Variants in CYTH4 observed in about 807,000 individuals in gnomAD.
CYTH4 encodes the protein cytohesin-4.
A neutral mutation model predicts 57.5 loss-of-function variants in CYTH4; 22 were observed. That is an observed-to-expected ratio of 0.38 (90% CI 0.27 to 0.55). The LOEUF is 0.55. Among genes scored for constraint, CYTH4 ranks in the 20% least tolerant of loss-of-function variants. The pLI, the probability that CYTH4 is intolerant of heterozygous loss-of-function variation, is 0.74. For missense variants in CYTH4, 420 were observed against 535.6 expected, an observed-to-expected ratio of 0.78 and a Z score of 2.13; for synonymous variants, 186 against 206.5, an observed-to-expected ratio of 0.90 and a Z score of 0.85.
chr22:37,307,330 G>T (rs749589046), intron 8 of CYTH4, among the ~76,000 whole-genome samples: 3 of 152,172 alleles, frequency 2.0e-5, no homozygotes, highest in Non-Finnish European at 2.9e-5. Context: ...ACCCCCGTCT[G>T]CCCCCCTGCA....
At chr22:37,308,808 G>T (rs1038513188) in intron 8 of CYTH4, among the ~76,000 whole-genome samples, 5 of 151,934 alleles carry the variant, frequency 3.3e-5, no homozygotes, top group African/African-American at 1.2e-4. Flanking sequence ...GCATGTGTGT[G>T]CATGTATGTG....
At position 37,311,325 on chromosome 22, in the gene CYTH4, C is replaced by T. The variant is rs536654023; in HGVS notation, c.886-131C>T. ...ACATGCTGCTTCTAACTTCCGTCCC[C>T]CTATGACTGGACAGTCTCGGAAGAT... is the stretch of plus-strand genomic sequence containing the variant. On this transcript the variant is annotated intron_variant, in intron 10 of 12. Transcript: ENST00000248901. The surrounding 1 kb of genome is among the most constrained non-coding windows in gnomAD (Gnocchi z 4.4). 3.5e-6 allele frequency: 3 copies of T among 853,532 alleles called. No homozygotes were observed. Among genetic ancestry groups the T allele is most frequent in the Non-Finnish European group, 3.8e-6 (2 of 526,456 alleles). 52.9% of individuals were successfully genotyped at this position (853,532 alleles called of 1,614,324 possible).
At chr22:37,296,237 C>G (rs1928963617) in intron 4 of CYTH4, 172 bp downstream of exon 4, 2 of 681,988 alleles carry the variant, frequency 2.9e-6, no homozygotes, top group Admixed American at 5.9e-5. Flanking sequence ...GGCTGGGCGC[C>G]CTGTCTACTC....
intron 7 of CYTH4, chr22:37,302,101 G>A (rs200120110): frequency 5.3e-5 from 9 of 169,026 alleles, no homozygotes; most frequent in African/African-American, 9.6e-5. Context: ...ACTTGTCTGC[G>A]AGCACGCCGC....
chr22:37,310,289 G>A (rs1601711867), intron 9 of CYTH4, among the ~76,000 whole-genome samples: 1 of 152,046 alleles, frequency 6.6e-6, no homozygotes, highest in East Asian at 1.9e-4. Flanking sequence ...TCAGATGGGA[G>A]AGGGAGCCTC....
Position 37,311,542 on chromosome 22 carries a change from T to G in CYTH4, c.957+15T>G, listed in dbSNP as rs771671548. Reference sequence around the variant, plus strand: ...CCAAGAAGCCAGTAGGTGTTCAGGTTGCAGGATCCCGAGGCTGGAGCCACT... The same window carrying G: ...CCAAGAAGCCAGTAGGTGTTCAGGTGGCAGGATCCCGAGGCTGGAGCCACT... On this transcript the variant is annotated intron_variant, in intron 11 of 12. Coordinates refer to ENST00000248901, the MANE Select transcript of CYTH4 (RefSeq NM_013385.5). This position sits in a 1 kb window ranked among gnomAD's most constrained non-coding sequence, Gnocchi z 4.4. The G allele has an allele frequency of 3.0e-5, 48 of 1,613,212 alleles. No homozygotes were observed. The highest frequency in any genetic ancestry group is 3.3e-5 in the Admixed American group (2 of 59,992).
At position 37,311,909 on chromosome 22, in the gene CYTH4, G is replaced by A. The variant is rs371390771; in HGVS notation, c.958-111G>A. 52 of 1,386,142 alleles carry A rather than the reference G, an allele frequency of 3.8e-5. No individual in the cohort carries two copies. The highest frequency in any genetic ancestry group is 4.3e-5 in the African/African-American group (3 of 69,324). The allele number at this position is 1,386,142 out of a possible 1,614,324, so 85.9% of individuals were successfully genotyped here. On this transcript the variant is annotated intron_variant, in intron 11 of 12. Transcript: ENST00000248901. This position sits in a 1 kb window ranked among gnomAD's most constrained non-coding sequence, Gnocchi z 4.4. Reference sequence around the variant, plus strand: ...AGCAGCTCCTGCCCCTTCGCCTGTCGTAGGGCTGTCACGCTGATCAGGGAC... The same window carrying A: ...AGCAGCTCCTGCCCCTTCGCCTGTCATAGGGCTGTCACGCTGATCAGGGAC...
At position 37,312,051 on chromosome 22, in the gene CYTH4, G is replaced by C. The variant is rs1929662933; in HGVS notation, c.989G>C (p.Arg330Pro). ...FCLELYNPSCRGQKIKACKTD... is the reference protein window; with the variant it reads ...FCLELYNPSCPGQKIKACKTD... ...CTGGAGCTCTACAACCCTAGCTGCC[G>C]AGGCCAGAAAATCAAGGCCTGCAAG... Residue 330 changes from arginine to proline, a missense_variant, in exon 12 of 13, where the codon CGA (arginine) becomes CCA (proline). Transcript: ENST00000248901. 1 of 1,614,004 alleles carries C rather than the reference G, an allele frequency of 6.2e-7. No homozygotes were observed. The highest frequency in any genetic ancestry group is 1.3e-5 in the African/African-American group (1 of 74,902).
At position 37,294,459 on chromosome 22, in the gene CYTH4, C is replaced by A. The variant is rs62235135; in HGVS notation, c.103-201C>A. ...CAGACAGAGGTGATAGTTTAGCATG[C>A]GACTTAGAAATTATGAGACATCCAG... On this transcript the variant is annotated intron_variant, in intron 2 of 12. Transcript: ENST00000248901. 7.6e-3 allele frequency among the ~76,000 whole-genome samples: 1,162 copies of A among 151,970 alleles called. 14 individuals are homozygous for A. Among genetic ancestry groups the A allele is most frequent in the East Asian group, 0.039 (203 of 5,148 alleles).
chr22:37,300,566 G>T (rs1328478711), intron 6 of CYTH4, among the ~76,000 whole-genome samples: 1 of 152,322 alleles, frequency 6.6e-6, no homozygotes, highest in Middle Eastern at 3.4e-3. Flanking sequence ...AGATCTCAGG[G>T]CCCAAAGGCC....
At position 37,315,227 on chromosome 22, in the gene CYTH4, C is replaced by T. The variant is rs182370486; in HGVS notation, c.*1716C>T. 4 of 152,190 alleles carry T rather than the reference C, an allele frequency of 2.6e-5. No homozygotes were observed. The highest frequency in any genetic ancestry group is 5.9e-5 in the Non-Finnish European group (4 of 68,106). 9.4% of individuals were successfully genotyped at this position (152,190 alleles called of 1,614,324 possible). On this transcript the variant is annotated 3_prime_UTR_variant, in exon 13 of 13. Transcript: ENST00000248901. Reference sequence around the variant, plus strand: ...GGCTACTCCCTTAGTCTACTCCCTTCCCCTCTCTGGTCCTCAGCTTCCTCC... The same window carrying T: ...GGCTACTCCCTTAGTCTACTCCCTTTCCCTCTCTGGTCCTCAGCTTCCTCC...
intron 6 of CYTH4, 45 bp from the exon 7 acceptor site, chr22:37,300,862 G>A (rs758564168): frequency 7.7e-6 from 12 of 1,551,668 alleles, no homozygotes; most frequent in African/African-American, 6.8e-5. Context: ...TGGGGCCCGC[G>A]AGGGCCCACC....
intron 8 of CYTH4, among the ~76,000 whole-genome samples, chr22:37,308,801 T>C (rs1351034553): frequency 2.6e-5 from 4 of 152,010 alleles, no homozygotes; most frequent in Admixed American, 6.5e-5. Context: ...TGAACATGCA[T>C]GTGTGTGCAT....
Position 37,311,094 on chromosome 22 carries a change from G to C in CYTH4, c.885+30G>C, listed in dbSNP as rs374729035. Reference sequence around the variant, plus strand: ...GCAGGGTTCTCCTGGGCCTTCCCCTGCCCCCGCCTCTCCCCGCACAACCCA... The same window carrying C: ...GCAGGGTTCTCCTGGGCCTTCCCCTCCCCCCGCCTCTCCCCGCACAACCCA... On this transcript the variant is annotated intron_variant, in intron 10 of 12. Transcript: ENST00000248901. The surrounding 1 kb of genome is among the most constrained non-coding windows in gnomAD (Gnocchi z 4.4). 4 of 1,609,262 alleles carry C rather than the reference G, an allele frequency of 2.5e-6. No homozygotes were observed. The highest frequency in any genetic ancestry group is 3.3e-5 in the Admixed American group (2 of 59,940).
At chr22:37,310,850 G>A (rs1929610794) in intron 9 of CYTH4, 138 bp from the exon 10 acceptor site, 2 of 763,296 alleles carry the variant, frequency 2.6e-6, no homozygotes, top group South Asian at 1.6e-5. Context: ...TAGATGTTGG[G>A]GGGAGGTGTG....
intron 12 of CYTH4, 75 bp from the exon 13 acceptor site, chr22:37,313,364 T>G (rs1929719841): frequency 2.9e-5 from 42 of 1,451,294 alleles, no homozygotes; most frequent in Non-Finnish European, 4.0e-5. Flanking sequence ...CCCATGCCCC[T>G]GATACAAGCC....
intron 8 of CYTH4, among the ~76,000 whole-genome samples, chr22:37,308,739 C>A (rs1004016555): frequency 9.9e-5 from 14 of 140,752 alleles, no homozygotes; most frequent in African/African-American, 3.7e-4. Context: ...TATGAGTATG[C>A]ATGCATGTGT....
intron 1 of CYTH4, among the ~76,000 whole-genome samples, chr22:37,287,352 C>A (rs4239886): frequency 0.28 from 42,932 of 151,974 alleles, 7,310 homozygotes; most frequent in Admixed American, 0.43. Context: ...ATGCTGGAGC[C>A]CACCCTGGCT....
chr22:37,310,939 A>C, intron 9 of CYTH4, 49 bp from the exon 10 acceptor site: 2 of 1,599,594 alleles, frequency 1.3e-6, no homozygotes, highest in Non-Finnish European at 1.7e-6. Flanking sequence ...AGGAGGTGTC[A>C]GTGGCCCAGG....
Sources: allele counts gnomAD v4.1 joint callset (sites outside exome capture counted in the v4.1 genomes callset), GRCh38; gene constraint gnomAD v4.1.1; non-coding constraint Gnocchi (gnomAD v3.1); transcripts MANE v1.5; gene names NCBI Gene and HGNC (gene_info 2026-07-23, HGNC 2026-07-21).